The following TANC1 variants were observed in gnomAD, a reference collection of about 807,000 sequenced individuals.
TANC1 encodes protein TANC1.
A neutral mutation model predicts 149.7 loss-of-function variants in TANC1; 77 were observed. That is an observed-to-expected ratio of 0.51 (90% CI 0.43 to 0.62). The LOEUF (loss-of-function observed/expected upper bound fraction) is 0.62, where lower values mean the gene tolerates loss of function less well. TANC1 is among the 20% of genes least tolerant of loss of function. The pLI, the probability that TANC1 is intolerant of heterozygous loss-of-function variation, is 0.00. For synonymous variants in TANC1, 854 were observed against 925.0 expected (o/e 0.92, Z 1.39); for missense variants, 1,985 against 2,321.8 (o/e 0.85, Z 2.98).
intron 4 of TANC1, among the ~76,000 whole-genome samples, chr2:159,134,291 G>C (rs1027325103): frequency 6.6e-6 from 1 of 152,146 alleles, no homozygotes; most frequent in Non-Finnish European, 1.5e-5. Context: ...GGACCAAAAT[G>C]TAACAGAATA....
chr2:159,222,662 A>G (rs912235395), intron 22 of TANC1, among the ~76,000 whole-genome samples: 1 of 152,142 alleles, frequency 6.6e-6, no homozygotes, highest in African/African-American at 2.4e-5. Context: ...GGTTGCTTCT[A>G]TGTTTTTTGC....
At chr2:159,019,282 C>T (rs530634127) in intron 2 of TANC1, among the ~76,000 whole-genome samples, 4 of 152,128 alleles carry the variant, frequency 2.6e-5, no homozygotes, top group Middle Eastern at 3.2e-3. Flanking sequence ...AAGCAGCCAG[C>T]GATCTTCAGC....
chr2:159,221,814 G>A (rs1016619109), intron 22 of TANC1, among the ~76,000 whole-genome samples: 1 of 152,210 alleles, frequency 6.6e-6, no homozygotes, highest in Admixed American at 6.5e-5. Flanking sequence ...CGAGGTTTGA[G>A]GGAATAAAAC....
chr2:159,105,970 T>TAA lies in TANC1; in HGVS notation c.259+8147_259+8148dup, dbSNP rs57945495. 3.0e-3 allele frequency among the ~76,000 whole-genome samples: 442 copies of TAA among 147,990 alleles called. 1 individual carries two copies. The highest frequency in any genetic ancestry group is 7.7e-3 in the East Asian group (39 of 5,068). Reference sequence around the variant, plus strand: ...TTTAAGGGTATCAGTCATGTATGTTTAAAAAAAAAAAACTGTTTCTGGTTC... The same window carrying TAA: ...TTTAAGGGTATCAGTCATGTATGTTTAAAAAAAAAAAAAACTGTTTCTGGTTC... On this transcript the variant is annotated intron_variant, in intron 4 of 26. Coordinates refer to ENST00000263635, the MANE Select transcript of TANC1 (RefSeq NM_033394.3).
chr2:159,054,947 G>A (rs1283651083), intron 2 of TANC1, among the ~76,000 whole-genome samples: 1 of 152,106 alleles, frequency 6.6e-6, no homozygotes. Flanking sequence ...CAGTATTCTT[G>A]GTGAAATAAC....
At chr2:159,110,113 T>C (rs2047578214) in intron 4 of TANC1, among the ~76,000 whole-genome samples, 1 of 152,206 alleles carries the variant, frequency 6.6e-6, no homozygotes, top group Non-Finnish European at 1.5e-5. Flanking sequence ...ATTCCATTTA[T>C]GGGTTGAAGA....
At chr2:159,132,473 T>C (rs2050201820) in intron 4 of TANC1, among the ~76,000 whole-genome samples, 1 of 151,620 alleles carries the variant, frequency 6.6e-6, no homozygotes, top group Non-Finnish European at 1.5e-5. Context: ...GGTACAGTTT[T>C]GTTTTGTTTT....
intron 1 of TANC1, among the ~76,000 whole-genome samples, chr2:158,989,270 ATCTC>A (rs1163011077): frequency 6.6e-6 from 1 of 151,936 alleles, no homozygotes; most frequent in African/African-American, 2.4e-5. Context: ...GTACTTTGGG[ATCTC>A]ACCTGGCTCC....
At position 159,178,765 on chromosome 2, in the gene TANC1, C is replaced by G; in HGVS notation, c.2112C>G (p.Tyr704Ter). The G allele has an allele frequency of 6.2e-7, 1 of 1,614,170 alleles. No individual in the cohort carries two copies. Residue 704 changes from tyrosine to a stop codon, truncating the protein, a stop_gained, in exon 14 of 27, where the codon TAC (tyrosine) becomes TAG (stop). Coordinates refer to ENST00000263635, the MANE Select transcript of TANC1 (RefSeq NM_033394.3). LOFTEE classifies it high-confidence loss of function. ...SHLVLRSLGS[Y>*]LYLKLTLDLF... ...TGGTGCTGCGGAGCCTCGGCTCCTA[C>G]CTGTACCTCAAGCTCACCCTGGACC...
chr2:159,111,471 ATCTGCAGACAT>A (rs2047710850), intron 4 of TANC1, among the ~76,000 whole-genome samples: 1 of 152,220 alleles, frequency 6.6e-6, no homozygotes, highest in Non-Finnish European at 1.5e-5. Context: ...CTTAAATGCC[ATCTGCAGACAT>A]GCTGTCTCTT....
intron 17 of TANC1, among the ~76,000 whole-genome samples, chr2:159,195,126 A>G (rs1043106279): frequency 3.9e-5 from 6 of 152,108 alleles, no homozygotes; most frequent in Admixed American, 1.3e-4. Flanking sequence ...AGAGCGATCA[A>G]CTTTTTTTTC....
intron 3 of TANC1, among the ~76,000 whole-genome samples, chr2:159,092,988 C>A (rs2045707801): frequency 6.6e-6 from 1 of 152,150 alleles, no homozygotes. Flanking sequence ...ACCTTCCAGG[C>A]CCCAGTCTCC....
At chr2:159,113,019 C>T (rs1369089865) in intron 4 of TANC1, among the ~76,000 whole-genome samples, 4 of 152,100 alleles carry the variant, frequency 2.6e-5, no homozygotes, top group Non-Finnish European at 5.9e-5. Context: ...ATTGCAACCT[C>T]TTCCTCCTGG....
At chr2:159,090,233 C>CAT (rs747085648) in intron 3 of TANC1, among the ~76,000 whole-genome samples, 2 of 152,146 alleles carry the variant, frequency 1.3e-5, no homozygotes, top group Non-Finnish European at 2.9e-5. Flanking sequence ...TGTAGATACA[C>CAT]ATATATATAC....
chr2:159,212,075 A>G (rs1218569852), intron 19 of TANC1, among the ~76,000 whole-genome samples: 1 of 152,254 alleles, frequency 6.6e-6, no homozygotes, highest in Non-Finnish European at 1.5e-5. Context: ...AAAATTCAGT[A>G]GCAGCTTTAA....
At chr2:159,181,592 C>T (rs1188117130) in intron 14 of TANC1, among the ~76,000 whole-genome samples, 2 of 152,230 alleles carry the variant, frequency 1.3e-5, no homozygotes, top group African/African-American at 4.8e-5. Context: ...CCACTGCGCC[C>T]GGCCCCCTCG....
chr2:159,229,259 A>G (rs2042496), intron 26 of TANC1, among the ~76,000 whole-genome samples: 63,653 of 151,874 alleles, frequency 0.42, 13,895 homozygotes, highest in East Asian at 0.62. Flanking sequence ...TGACTGAGAG[A>G]TGGGCACAGT....
At chr2:159,034,462 C>T (rs1300250020) in intron 2 of TANC1, among the ~76,000 whole-genome samples, 2 of 152,308 alleles carry the variant, frequency 1.3e-5, no homozygotes, top group Admixed American at 6.5e-5. Context: ...GTTTGAAAAG[C>T]GCCAGTGGGC....
rs1319354715 is a variant in TANC1, at chr2:159,170,583, C to A, written c.1129C>A (p.Pro377Thr). ...ILLKPLLFEVPSITTDSVFVG... is the reference protein window; with the variant it reads ...ILLKPLLFEVTSITTDSVFVG... ...GTTGAAACCCTTGTTGTTTGAAGTACCAAGCATAACAACAGACTCTGTGTT... is the reference window on the plus strand; with the variant it reads ...GTTGAAACCCTTGTTGTTTGAAGTAACAAGCATAACAACAGACTCTGTGTT... Residue 377 changes from proline to threonine, a missense_variant, in exon 10 of 27, where the codon CCA (proline) becomes ACA (threonine). By Grantham distance (38) the Pro-to-Thr change is conservative. Transcript: ENST00000263635. The A allele has an allele frequency of 6.2e-7, 1 of 1,613,998 alleles. No individual in the cohort carries two copies. Among genetic ancestry groups the A allele is most frequent in the Non-Finnish European group, 8.5e-7 (1 of 1,179,990 alleles).
Sources: allele counts gnomAD v4.1 joint callset (sites outside exome capture counted in the v4.1 genomes callset), GRCh38; gene constraint gnomAD v4.1.1; transcripts MANE v1.5; gene names NCBI Gene and HGNC (gene_info 2026-07-23, HGNC 2026-07-21).